SPON2: variants seen among roughly 807,000 people sequenced by gnomAD.
SPON2 encodes the protein spondin 2, also known as spondin-2.
Under a neutral mutation model 29.9 loss-of-function variants are expected in SPON2, and 32 were observed. The ratio of observed to expected loss-of-function variants is 1.07; its 90% CI spans 0.81 to 1.44. SPON2 has a LOEUF of 1.44. SPON2 is among the 40% of genes most tolerant of loss of function. The probability of loss-of-function intolerance (pLI) is 0.00; values close to 1 mark genes in which losing one functional copy is unlikely to be tolerated. For missense variants in SPON2, 541 were observed against 455.5 expected (o/e 1.19, Z -1.71); for synonymous variants, 248 against 209.1 (o/e 1.19, Z -1.61).
chr4:1,193,256 G>C (rs1727950910), intron 1 of SPON2, among the ~76,000 whole-genome samples: 1 of 152,182 alleles, frequency 6.6e-6, no homozygotes. Context: ...CAGAGACTCA[G>C]TGGGCACTGG....
At chr4:1,194,747 T>C (rs1232912064) in intron 1 of SPON2, among the ~76,000 whole-genome samples, 2 of 151,988 alleles carry the variant, frequency 1.3e-5, no homozygotes, top group Non-Finnish European at 2.9e-5. Flanking sequence ...GGGTCAGCGT[T>C]TCCAAGTCTG....
chr4:1,167,808 G>A (rs1410766845), intron 5 of SPON2, 152 bp from the exon 6 acceptor site: 8 of 741,112 alleles, frequency 1.1e-5, no homozygotes, highest in Non-Finnish European at 8.2e-6. Flanking sequence ...CGCAGAGTGA[G>A]CGGCAAGATG....
upstream of SPON2, among the ~76,000 whole-genome samples, chr4:1,197,875 C>T (rs1352161368): frequency 2.0e-5 from 3 of 151,976 alleles, no homozygotes; most frequent in Non-Finnish European, 2.9e-5. Context: ...ATAGTGAAAC[C>T]GTGTCTTTGC....
rs1054337481 is a variant in SPON2 at position 1,202,588 on chromosome 4, T to C, written c.-234+5292A>G. Reference sequence around the variant, plus strand: ...GCTTCTGTGGGCTCAGCCCACTCAGTGCTCATGGGTCGGAGTCTCCTGCCT... The same window carrying C: ...GCTTCTGTGGGCTCAGCCCACTCAGCGCTCATGGGTCGGAGTCTCCTGCCT... On this transcript the variant is annotated intron_variant, in intron 1 of 3. Transcript: ENST00000509233. This position sits in a 1 kb window ranked among gnomAD's most constrained non-coding sequence, Gnocchi z 5.4. Among the ~76,000 whole-genome samples, 4 of 151,852 alleles carry C rather than the reference T, an allele frequency of 2.6e-5. No homozygotes were observed. The highest frequency in any genetic ancestry group is 1.5e-5 in the Non-Finnish European group (1 of 67,956).
At chr4:1,195,264 C>T (rs928031215), upstream of SPON2, 3 of 152,508 alleles carry the variant, frequency 2.0e-5, no homozygotes, top group African/African-American at 7.2e-5. Context: ...CTCCTGCGGT[C>T]CCAGGGCGGG....
intron 1 of SPON2, among the ~76,000 whole-genome samples, chr4:1,194,529 G>T (rs1314688821): frequency 3.3e-5 from 5 of 152,210 alleles, no homozygotes; most frequent in Admixed American, 3.3e-4. Context: ...GTGGGACAGG[G>T]CGGCTTGCAC....
At chr4:1,183,235 T>C (rs904495206) in intron 1 of SPON2, among the ~76,000 whole-genome samples, 13 of 59,216 alleles carry the variant, frequency 2.2e-4, no homozygotes, top group Non-Finnish European at 3.2e-4. Flanking sequence ...AGAGTGAAAC[T>C]CCATCAAAAA....
intron 1 of SPON2, chr4:1,179,606 T>C (rs1269691380): frequency 6.6e-6 from 1 of 152,198 alleles, no homozygotes; most frequent in Non-Finnish European, 1.5e-5. Flanking sequence ...TGCAGCAATC[T>C]ATGTAGGGTT....
At chr4:1,168,430 TGAGA>T (rs919168697) in intron 5 of SPON2, among the ~76,000 whole-genome samples, 2 of 152,062 alleles carry the variant, frequency 1.3e-5, no homozygotes, top group Non-Finnish European at 2.9e-5. Flanking sequence ...TACTGAAGGA[TGAGA>T]GAGAGTGGAG....
intron 1 of SPON2, 21 bp from the exon 2 acceptor site, chr4:1,172,095 A>C: frequency 6.2e-7 from 1 of 1,602,072 alleles, no homozygotes; most frequent in Non-Finnish European, 8.5e-7. Flanking sequence ...AGAGGGGAGC[A>C]GCCGCGCGCT....
chr4:1,176,212 C>T (rs563427382), upstream of SPON2, among the ~76,000 whole-genome samples: 33 of 152,128 alleles, frequency 2.2e-4, no homozygotes, highest in African/African-American at 7.5e-4. Context: ...GGCTCTCAGA[C>T]CCTCTTCTGT....
At chr4:1,192,574 G>A (rs894326905) in intron 1 of SPON2, among the ~76,000 whole-genome samples, 6 of 152,186 alleles carry the variant, frequency 3.9e-5, no homozygotes, top group African/African-American at 7.2e-5. Flanking sequence ...AAAGGGCAGC[G>A]GGAGCAGCAC....
intron 1 of SPON2, among the ~76,000 whole-genome samples, chr4:1,192,970 T>C (rs1480317845): frequency 6.6e-6 from 1 of 152,138 alleles, no homozygotes; most frequent in Non-Finnish European, 1.5e-5. Context: ...TGCCACCTCA[T>C]CTGGCACAGG....
At chr4:1,179,869 G>T (rs1385420733) in intron 1 of SPON2, among the ~76,000 whole-genome samples, 1 of 152,076 alleles carries the variant, frequency 6.6e-6, no homozygotes, top group Non-Finnish European at 1.5e-5. Context: ...TACCCAGCAT[G>T]AAAAGACTTC....
At chr4:1,203,475 C>T (rs1267364734) in intron 1 of SPON2, among the ~76,000 whole-genome samples, 2 of 152,240 alleles carry the variant, frequency 1.3e-5, no homozygotes, top group Non-Finnish European at 2.9e-5. Context: ...TGGGGCCAGG[C>T]CACAATGTGC....
intron 1 of SPON2, among the ~76,000 whole-genome samples, chr4:1,189,441 G>C (rs1727861930): frequency 6.6e-6 from 1 of 151,824 alleles, no homozygotes; most frequent in Non-Finnish European, 1.5e-5. Flanking sequence ...CAGATCTCTT[G>C]AGCTCAGGAG....
intron 1 of SPON2, among the ~76,000 whole-genome samples, chr4:1,180,307 G>T (rs1332105622): frequency 2.0e-5 from 3 of 152,208 alleles, no homozygotes; most frequent in Admixed American, 1.3e-4. Context: ...GCTAACTGAG[G>T]AGAGACTTAG....
chr4:1,186,150 A>G (rs539528203), intron 1 of SPON2, among the ~76,000 whole-genome samples: 1 of 150,458 alleles, frequency 6.6e-6, no homozygotes, highest in Non-Finnish European at 1.5e-5. Flanking sequence ...AGGCTGAGGC[A>G]GGAGAATGGT....
intron 1 of SPON2, among the ~76,000 whole-genome samples, chr4:1,191,189 C>T (rs1727907382): frequency 6.6e-6 from 1 of 151,728 alleles, no homozygotes; most frequent in Non-Finnish European, 1.5e-5. Flanking sequence ...AATTGGAAGA[C>T]TTACACGTCC....
Sources: gnomAD v4.1 joint callset for allele counts (sites outside exome capture counted in the v4.1 genomes callset) on GRCh38, gnomAD v4.1.1 for gene constraint, Gnocchi (gnomAD v3.1) non-coding constraint, MANE v1.5 for transcripts, NCBI Gene and HGNC (gene_info 2026-07-23, HGNC 2026-07-21) for gene names.